CEP128: variants seen among roughly 807,000 people sequenced by gnomAD.
CEP128 encodes the protein centrosomal protein 128.
Under a neutral mutation model 156.7 loss-of-function variants are expected in CEP128, and 132 were observed. The observed-to-expected ratio is 0.84, with a 90% confidence interval of 0.73 to 0.97. The LOEUF (loss-of-function observed/expected upper bound fraction) is 0.97. Among genes scored for constraint, CEP128 ranks in the 50% least tolerant of loss-of-function variants. CEP128 has a pLI of 0.00. For synonymous variants in CEP128, 469 were observed against 448.9 expected (o/e 1.04, Z -0.57); for missense variants, 1,252 against 1,281.9 (o/e 0.98, Z 0.36).
chr14:80,811,647 TTGTG>T (rs1486083743), intron 13 of CEP128, among the ~76,000 whole-genome samples: 8 of 150,412 alleles, frequency 5.3e-5, no homozygotes, highest in South Asian at 2.1e-4. Flanking sequence ...GTTTGTGTGT[TTGTG>T]TGTGTATGTG....
chr14:80,618,719 G>A (rs1004585400), intron 19 of CEP128, among the ~76,000 whole-genome samples: 2 of 152,204 alleles, frequency 1.3e-5, no homozygotes, highest in African/African-American at 2.4e-5. Context: ...CACTGGAACT[G>A]AGATTCCTAT....
At chr14:80,839,669 G>T (rs1188814747) in intron 10 of CEP128, among the ~76,000 whole-genome samples, 7 of 152,044 alleles carry the variant, frequency 4.6e-5, no homozygotes, top group Non-Finnish European at 7.4e-5. Flanking sequence ...GGACCTCTCT[G>T]TGCATCTTGT....
chr14:80,692,943 T>C (rs1228029754), intron 19 of CEP128, among the ~76,000 whole-genome samples: 1 of 152,224 alleles, frequency 6.6e-6, no homozygotes, highest in Non-Finnish European at 1.5e-5. Flanking sequence ...GTGCTTCTCA[T>C]ACTTTAATGT....
intron 23 of CEP128, among the ~76,000 whole-genome samples, chr14:80,508,511 A>C (rs1002391034): frequency 6.6e-6 from 1 of 152,066 alleles, no homozygotes; most frequent in African/African-American, 2.4e-5. Context: ...GTTATATAGT[A>C]TTTTATTTTA....
chr14:80,885,869 C>A (rs1220404772), intron 8 of CEP128, among the ~76,000 whole-genome samples: 1 of 151,974 alleles, frequency 6.6e-6, no homozygotes, highest in East Asian at 1.9e-4. Context: ...TGCAAGGAAG[C>A]TAAGAACCTT....
At chr14:80,678,878 C>T (rs150283185) in intron 19 of CEP128, among the ~76,000 whole-genome samples, 3 of 152,214 alleles carry the variant, frequency 2.0e-5, no homozygotes, top group East Asian at 1.9e-4. Context: ...TGGCTGGAAC[C>T]GTGGCAGAGG....
At chr14:80,545,411 T>C (rs961778454) in intron 21 of CEP128, among the ~76,000 whole-genome samples, 1 of 152,214 alleles carries the variant, frequency 6.6e-6, no homozygotes, top group Non-Finnish European at 1.5e-5. Context: ...TGATTTACCA[T>C]AAAAATAAAC....
At chr14:80,776,823 G>T (rs1900819048) in intron 16 of CEP128, among the ~76,000 whole-genome samples, 1 of 151,986 alleles carries the variant, frequency 6.6e-6, no homozygotes, top group Non-Finnish European at 1.5e-5. Context: ...AACCCTTTTA[G>T]GAAGTGGGTG....
At chr14:80,708,347 A>C (rs1305465999) in intron 19 of CEP128, among the ~76,000 whole-genome samples, 1 of 152,128 alleles carries the variant, frequency 6.6e-6, no homozygotes, top group Non-Finnish European at 1.5e-5. Flanking sequence ...GAAAGGGTCT[A>C]TTTCCTCACA....
rs563982611 is a variant in CEP128 at position 80,480,582 on chromosome 14, C to T, written c.*311-2175G>A. Among the ~76,000 whole-genome samples the T allele has an allele frequency of 1.3e-3, 202 of 152,202 alleles. 1 individual carries two copies. Among genetic ancestry groups the T allele is most frequent in the African/African-American group, 4.6e-3 (192 of 41,536 alleles). On this transcript the variant is annotated intron_variant and NMD_transcript_variant, in intron 14 of 14. Coordinates refer to the CEP128 transcript ENST00000554502. The stretch of plus-strand genomic sequence containing the variant: ...GCAGGCCTGTGATGGGAGGGGCTGC[C>T]GAGAAGGTCTCTGACATGGCCTGGA...
intron 21 of CEP128, among the ~76,000 whole-genome samples, chr14:80,539,756 C>G (rs1453165853): frequency 6.6e-6 from 1 of 152,074 alleles, no homozygotes; most frequent in East Asian, 1.9e-4. Flanking sequence ...AACAGATGTG[C>G]AAGTAGGAGA....
intron 13 of CEP128, among the ~76,000 whole-genome samples, chr14:80,817,284 C>T (rs1157563312): frequency 6.6e-6 from 1 of 151,834 alleles, no homozygotes; most frequent in East Asian, 1.9e-4. Context: ...AAAGTTAATA[C>T]AAAAATTATC....
At chr14:80,492,402 CA>C (rs1208657764), downstream of CEP128, among the ~76,000 whole-genome samples, 3 of 152,094 alleles carry the variant, frequency 2.0e-5, no homozygotes, top group Non-Finnish European at 1.5e-5. Context: ...ACTCCGCTTG[CA>C]ACTATCCTGT....
intron 2 of CEP128, among the ~76,000 whole-genome samples, chr14:80,950,167 C>G (rs532142065): frequency 6.6e-6 from 1 of 151,902 alleles, no homozygotes; most frequent in African/African-American, 2.4e-5. Context: ...GTGATATAAC[C>G]CAAAAGATGT....
intron 13 of CEP128, among the ~76,000 whole-genome samples, chr14:80,802,243 T>C (rs1056355176): frequency 6.6e-6 from 1 of 152,126 alleles, no homozygotes; most frequent in Non-Finnish European, 1.5e-5. Flanking sequence ...CACACGTATG[T>C]TTATTGCGGC....
At chr14:80,513,349 G>A (rs535800114) in intron 23 of CEP128, among the ~76,000 whole-genome samples, 1 of 152,182 alleles carries the variant, frequency 6.6e-6, no homozygotes, top group South Asian at 2.1e-4. Context: ...CAGATGTATG[G>A]GAGCTCTTTG....
At chr14:80,740,527 T>C (rs1674553) in intron 19 of CEP128, among the ~76,000 whole-genome samples, 36 of 129,572 alleles carry the variant, frequency 2.8e-4, no homozygotes, top group East Asian at 1.1e-3. Flanking sequence ...GATAGATAGA[T>C]AGATAGATAG....
intron 9 of CEP128, among the ~76,000 whole-genome samples, chr14:80,843,341 A>G (rs374259337): frequency 6.6e-6 from 1 of 152,070 alleles, no homozygotes; most frequent in East Asian, 1.9e-4. Flanking sequence ...TATAAACATA[A>G]CCTATCCCAA....
At chr14:80,953,173 A>G (rs1451788541) in intron 2 of CEP128, among the ~76,000 whole-genome samples, 1 of 151,014 alleles carries the variant, frequency 6.6e-6, no homozygotes. Flanking sequence ...TTGCCCTCAT[A>G]CCAAAATTTG....
Sources: gnomAD v4.1 joint callset for allele counts (sites outside exome capture counted in the v4.1 genomes callset) on GRCh38, gnomAD v4.1.1 for gene constraint, MANE v1.5 for transcripts, NCBI Gene and HGNC (gene_info 2026-07-23, HGNC 2026-07-21) for gene names.